The following HMCN1 variants were observed in gnomAD, a reference collection of about 807,000 sequenced individuals.
HMCN1 encodes the protein hemicentin-1.
A neutral mutation model predicts 625.9 loss-of-function variants in HMCN1; 321 were observed. The ratio of observed to expected loss-of-function variants is 0.51; its 90% confidence interval spans 0.47 to 0.56. The LOEUF is 0.56. Ranked by LOEUF, HMCN1 falls within the 20% of genes least tolerant of loss-of-function variation. The pLI, the probability that HMCN1 is intolerant of heterozygous loss-of-function variation, is 0.00. For synonymous variants in HMCN1, 2,425 were observed against 2,417.6 expected (o/e 1.00, Z -0.09); for missense variants, 6,588 against 6,887.3 (o/e 0.96, Z 1.54).
chr1:186,170,969 C>A (rs1652192148), intron 100 of HMCN1, among the ~76,000 whole-genome samples: 1 of 152,152 alleles, frequency 6.6e-6, no homozygotes, highest in Non-Finnish European at 1.5e-5. Flanking sequence ...TTGCAAAAGA[C>A]CTTAGTGTTG....
At chr1:185,946,111 G>C (rs1181858047) in intron 11 of HMCN1, among the ~76,000 whole-genome samples, 2 of 152,156 alleles carry the variant, frequency 1.3e-5, no homozygotes, top group African/African-American at 4.8e-5. Context: ...CTGGAAGGAT[G>C]GGAGATTGTG....
At chr1:186,150,082 A>C (rs77663022) in intron 93 of HMCN1, among the ~76,000 whole-genome samples, 2,329 of 152,288 alleles carry the variant, frequency 0.015, 56 homozygotes, top group African/African-American at 0.054. Flanking sequence ...TGTTGCAAAA[A>C]TGGTACCGGT....
At chr1:185,756,442 C>A (rs1250961465) in intron 1 of HMCN1, among the ~76,000 whole-genome samples, 5 of 144,434 alleles carry the variant, frequency 3.5e-5, no homozygotes, top group Admixed American at 7.0e-5. Flanking sequence ...GGATCTTGGG[C>A]AACTTGATAC....
rs761449628 is a variant in HMCN1, at chr1:186,000,111, T to C, written c.3941T>C (p.Ile1314Thr). The change falls in exon 26 of 107, where the codon ATT becomes ACT. Residue 1314 changes from isoleucine (I) to threonine (T), a missense_variant. Physicochemically the swap from Ile to Thr is moderately conservative, Grantham distance 89 (BLOSUM62 -1). Coordinates refer to ENST00000271588, the MANE Select transcript of HMCN1 (RefSeq NM_031935.3). ...GRELTGREPG[I>T]SILEDGTLLV... ...GAGTTGACAGGCAGAGAGCCTGGCA[T>C]TTCTATCTTGGAAGATGGCACATTG... 2 of 1,613,186 alleles carry C rather than the reference T, an allele frequency of 1.2e-6. No homozygotes were observed. The highest frequency in any genetic ancestry group is 2.2e-5 in the South Asian group (2 of 91,062).
chr1:186,044,863 T>C (rs2102248511), intron 40 of HMCN1, among the ~76,000 whole-genome samples: 1 of 152,284 alleles, frequency 6.6e-6, no homozygotes, highest in African/African-American at 2.4e-5. Flanking sequence ...TTGGCAGGAC[T>C]GTACCTAAAC....
chr1:185,994,685 A>C, intron 23 of HMCN1, 130 bp from the exon 24 acceptor site: 1 of 871,952 alleles, frequency 1.1e-6, no homozygotes, highest in South Asian at 1.5e-5. Flanking sequence ...GAATGATCCG[A>C]GCCTAGGTCC....
At chr1:186,140,053 T>G (rs1649852992) in intron 89 of HMCN1, among the ~76,000 whole-genome samples, 1 of 152,146 alleles carries the variant, frequency 6.6e-6, no homozygotes, top group Non-Finnish European at 1.5e-5. Context: ...TAGGTGAAAT[T>G]TTGTGTATTT....
rs139362214 is a variant in HMCN1, at chr1:185,880,523, A to C, written c.621+14660A>C. Among the ~76,000 whole-genome samples the C allele has an allele frequency of 1.2e-4, 18 of 152,282 alleles. 1 individual carries two copies. The East Asian group carries it at 1.4e-3, about 11-fold the overall frequency. On this transcript the variant is annotated intron_variant, in intron 4 of 106. Coordinates refer to ENST00000271588, the MANE Select transcript of HMCN1 (RefSeq NM_031935.3). ...GCCTCTGTTGCAATAGCCAACCACC[A>C]ACTAAATTTGAGAAAGTTGCCTGAC...
chr1:185,781,320 T>C (rs1332953569), intron 1 of HMCN1, among the ~76,000 whole-genome samples: 1 of 152,222 alleles, frequency 6.6e-6, no homozygotes, highest in Admixed American at 6.5e-5. Flanking sequence ...GATTAATTTT[T>C]TGAAGGTTTT....
At chr1:186,062,076 G>A in intron 47 of HMCN1, 112 bp downstream of exon 47, 1 of 667,012 alleles carries the variant, frequency 1.5e-6, no homozygotes, top group East Asian at 2.7e-5. Flanking sequence ...TTAGACCCTG[G>A]ACTGTGACTC....
At chr1:185,993,940 T>A (rs1371771442) in intron 23 of HMCN1, among the ~76,000 whole-genome samples, 1 of 152,090 alleles carries the variant, frequency 6.6e-6, no homozygotes, top group African/African-American at 2.4e-5. Flanking sequence ...TCCCCATTGA[T>A]TATGTGGTGT....
At chr1:186,115,038 A>G in intron 74 of HMCN1, 92 bp downstream of exon 74, 1 of 1,561,874 alleles carries the variant, frequency 6.4e-7, no homozygotes, top group Non-Finnish European at 8.8e-7. Context: ...TTGACATTGA[A>G]GGCTAGTTAA....
At chr1:185,909,647 T>TA in intron 5 of HMCN1, 139 bp downstream of exon 5, 1 of 765,768 alleles carries the variant, frequency 1.3e-6, no homozygotes, top group Non-Finnish European at 2.1e-6. Flanking sequence ...GGAAGGTGTT[T>TA]AAAAAATGTA....
intron 2 of HMCN1, among the ~76,000 whole-genome samples, chr1:185,858,586 A>ATTTTTTTTTTTTT (rs71101980): frequency 5.8e-5 from 2 of 34,748 alleles, no homozygotes; most frequent in Non-Finnish European, 1.1e-4. Flanking sequence ...CACCCAGCTA[A>ATTTTTTTTTTTTT]TTTTTTTTTT....
chr1:185,851,805 A>C (rs909112654), intron 2 of HMCN1, among the ~76,000 whole-genome samples: 14 of 151,136 alleles, frequency 9.3e-5, no homozygotes, highest in African/African-American at 2.2e-4. Context: ...GTAAACACAC[A>C]CCCCCCCCAA....
At chr1:185,987,286 G>T in intron 19 of HMCN1, 146 bp from the exon 20 acceptor site, 1 of 689,636 alleles carries the variant, frequency 1.5e-6, no homozygotes, top group Non-Finnish European at 2.7e-6. Context: ...CCTTTACAGA[G>T]ATTATCCTAC....
chr1:186,141,863 G>A (rs776798466), intron 89 of HMCN1, among the ~76,000 whole-genome samples: 1 of 152,230 alleles, frequency 6.6e-6, no homozygotes. Context: ...TTCAAGCCCA[G>A]AGTGTCTGCC....
At chr1:186,162,558 T>C (rs1651573187) in intron 97 of HMCN1, among the ~76,000 whole-genome samples, 1 of 152,200 alleles carries the variant, frequency 6.6e-6, no homozygotes, top group Non-Finnish European at 1.5e-5. Flanking sequence ...CTACTTTTGG[T>C]CTTTGATGAT....
At chr1:186,169,747 A>G (rs1228125332) in intron 100 of HMCN1, among the ~76,000 whole-genome samples, 1 of 152,194 alleles carries the variant, frequency 6.6e-6, no homozygotes, top group Non-Finnish European at 1.5e-5. Flanking sequence ...AACCTAGGCA[A>G]TACCATTCAG....
Sources: gnomAD v4.1 joint callset for allele counts (sites outside exome capture counted in the v4.1 genomes callset) on GRCh38, gnomAD v4.1.1 for gene constraint, MANE v1.5 for transcripts, NCBI Gene and HGNC (gene_info 2026-07-23, HGNC 2026-07-21) for gene names.